EXOC2: variants seen among roughly 807,000 people sequenced by gnomAD.
EXOC2 encodes the protein exocyst complex component 2.
In EXOC2, 70 loss-of-function variants were observed where a neutral mutation model predicts 131.8. The observed-to-expected ratio is 0.53, with a 90% CI of 0.44 to 0.65. EXOC2 has a LOEUF of 0.65. EXOC2 is among the 30% of genes least tolerant of loss of function. The pLI is 0.00. For missense variants in EXOC2, 923 were observed against 1,108.6 expected, an observed-to-expected ratio of 0.83 and a Z score of 2.38; for synonymous variants, 411 against 398.4, an observed-to-expected ratio of 1.03 and a Z score of -0.38.
intron 4 of EXOC2, among the ~76,000 whole-genome samples, chr6:626,706 C>A (rs1761588623): frequency 6.6e-6 from 1 of 152,152 alleles, no homozygotes; most frequent in Non-Finnish European, 1.5e-5. Flanking sequence ...ATTCTCCTGC[C>A]TCAGCCTCCC....
At chr6:557,795 C>T (rs1561854689) in intron 17 of EXOC2, among the ~76,000 whole-genome samples, 1 of 152,006 alleles carries the variant, frequency 6.6e-6, no homozygotes, top group Non-Finnish European at 1.5e-5. Flanking sequence ...AGCAAGTTCT[C>T]AGAGGACGAC....
At chr6:668,608 G>A (rs960312278) in intron 1 of EXOC2, among the ~76,000 whole-genome samples, 4 of 152,082 alleles carry the variant, frequency 2.6e-5, no homozygotes, top group East Asian at 1.9e-4. Flanking sequence ...TCAGCCCCAG[G>A]TTGGATTAAT....
chr6:605,566 T>C (rs1452321165), intron 7 of EXOC2, among the ~76,000 whole-genome samples: 1 of 152,230 alleles, frequency 6.6e-6, no homozygotes, highest in Non-Finnish European at 1.5e-5. Context: ...TATCATTTTT[T>C]ATTGCATCTA....
intron 1 of EXOC2, chr6:669,771 G>A (rs1763780615): frequency 6.6e-6 from 1 of 152,210 alleles, no homozygotes; most frequent in Non-Finnish European, 1.5e-5. Flanking sequence ...CCATCAATGA[G>A]TCCAGAATTT....
intron 1 of EXOC2, among the ~76,000 whole-genome samples, chr6:661,171 A>C (rs769094931): frequency 1.6e-4 from 24 of 152,224 alleles, no homozygotes; most frequent in Non-Finnish European, 2.4e-4. Flanking sequence ...CAAACCTAAT[A>C]ATCGGTGTTC....
intron 1 of EXOC2, among the ~76,000 whole-genome samples, chr6:684,520 A>T (rs1433475807): frequency 6.6e-6 from 1 of 152,202 alleles, no homozygotes; most frequent in Non-Finnish European, 1.5e-5. Flanking sequence ...CACTTAAGTA[A>T]ATACATTTTC....
Position 515,933 on chromosome 6 carries a change from C to A in EXOC2, c.2381-16233G>T, listed in dbSNP as rs551024225. On this transcript the variant is annotated intron_variant, in intron 23 of 27. Transcript: ENST00000230449. ...TAATCCCTTAGATTCTGTTCACCAG[C>A]GACTAAACTACCAAGGCGTATGGTG... Among the ~76,000 whole-genome samples, 10 of 152,262 alleles carry A rather than the reference C, an allele frequency of 6.6e-5. No individual in the cohort carries two copies. The South Asian group carries it at 1.4e-3, about 22-fold the overall frequency.
chr6:522,295 A>G (rs1765511841), intron 23 of EXOC2, among the ~76,000 whole-genome samples: 1 of 134,658 alleles, frequency 7.4e-6, no homozygotes, highest in East Asian at 2.2e-4. Flanking sequence ...CGTGTGGGGG[A>G]GCATTGAGCT....
chr6:491,446 A>G (rs765857947), intron 25 of EXOC2, among the ~76,000 whole-genome samples: 1 of 152,262 alleles, frequency 6.6e-6, no homozygotes, highest in Non-Finnish European at 1.5e-5. Flanking sequence ...CACTATGAAA[A>G]GTACAAACTG....
chr6:594,668 A>G (rs964141956), intron 10 of EXOC2, among the ~76,000 whole-genome samples: 8 of 152,228 alleles, frequency 5.3e-5, no homozygotes, highest in Non-Finnish European at 8.8e-5. Context: ...GCAAAACCTA[A>G]TAACAAAAGA....
chr6:671,031 A>G (rs1472494237), intron 1 of EXOC2, among the ~76,000 whole-genome samples: 1 of 134,450 alleles, frequency 7.4e-6, no homozygotes, highest in Admixed American at 8.7e-5. Flanking sequence ...CCTGGGTAAC[A>G]TCATGAGACT....
At chr6:553,561 T>C (rs1757262639) in intron 21 of EXOC2, among the ~76,000 whole-genome samples, 1 of 152,126 alleles carries the variant, frequency 6.6e-6, no homozygotes, top group African/African-American at 2.4e-5. Flanking sequence ...CAACCCACCC[T>C]GGCAACTCTC....
chr6:571,523 G>A (rs1758276702), intron 13 of EXOC2, among the ~76,000 whole-genome samples: 1 of 152,180 alleles, frequency 6.6e-6, no homozygotes, highest in African/African-American at 2.4e-5. Context: ...ATGAATTTAT[G>A]GTCATGGCCA....
intron 22 of EXOC2, among the ~76,000 whole-genome samples, chr6:546,876 C>T (rs917979530): frequency 5.3e-5 from 8 of 152,208 alleles, no homozygotes; most frequent in East Asian, 3.8e-4. Context: ...CTTAGATTTT[C>T]GACTGCACAG....
chr6:490,371 G>A (rs1763360548), intron 26 of EXOC2, among the ~76,000 whole-genome samples: 1 of 152,174 alleles, frequency 6.6e-6, no homozygotes. Flanking sequence ...ACGATGGCTG[G>A]GAAAAGGTGT....
intron 11 of EXOC2, among the ~76,000 whole-genome samples, chr6:586,729 A>G (rs568443291): frequency 1.3e-5 from 2 of 152,300 alleles, no homozygotes; most frequent in East Asian, 1.9e-4. Flanking sequence ...AACCTATTCC[A>G]TAACTCACTG....
chr6:629,612 T>C (rs79848019), intron 4 of EXOC2, among the ~76,000 whole-genome samples: 18,034 of 152,182 alleles, frequency 0.12, 1,296 homozygotes, highest in Middle Eastern at 0.18. Flanking sequence ...ATCAAAAAAC[T>C]GAAGAGGTAA....
intron 1 of EXOC2, chr6:656,392 G>C (rs750894700): frequency 1.2e-6 from 2 of 1,614,196 alleles, no homozygotes; most frequent in South Asian, 2.2e-5. Flanking sequence ...CTGCCACTGA[G>C]GTTTGCTTCC....
At chr6:504,639 G>C (rs920561412) in intron 23 of EXOC2, among the ~76,000 whole-genome samples, 2 of 152,138 alleles carry the variant, frequency 1.3e-5, no homozygotes, top group Admixed American at 6.5e-5. Context: ...TACACCAATC[G>C]TATGACCTTC....
Sources: gnomAD v4.1 joint callset for allele counts (sites outside exome capture counted in the v4.1 genomes callset) on GRCh38, gnomAD v4.1.1 for gene constraint, MANE v1.5 for transcripts, NCBI Gene and HGNC (gene_info 2026-07-23, HGNC 2026-07-21) for gene names.